The following SOX5 variants were observed in gnomAD, a reference collection of about 807,000 sequenced individuals.
SOX5 encodes the protein transcription factor SOX-5.
SOX5 carries 9 observed loss-of-function variants against 92.0 expected under a neutral mutation model. That is an observed-to-expected ratio of 0.10 (90% CI 0.06 to 0.17). SOX5 has a LOEUF of 0.17. Among genes scored for constraint, SOX5 ranks in the 10% least tolerant of loss-of-function variants. SOX5 has a pLI of 1.00. For missense variants in SOX5, 642 were observed against 944.5 expected (o/e 0.68, Z 4.20); for synonymous variants, 344 against 336.3 (o/e 1.02, Z -0.25).
At chr12:23,997,415 G>A (rs76458601) in intron 4 of SOX5, among the ~76,000 whole-genome samples, 3,385 of 152,238 alleles carry the variant, frequency 0.022, 115 homozygotes, top group African/African-American at 0.078. Context: ...CAGCTTGCCT[G>A]AGATTACAAT....
intron 2 of SOX5, among the ~76,000 whole-genome samples, chr12:24,305,662 A>G (rs888455202): frequency 6.6e-6 from 1 of 152,206 alleles, no homozygotes; most frequent in African/African-American, 2.4e-5. Flanking sequence ...CAGTGGCGCG[A>G]TCGCGGCTCA....
chr12:24,334,291 C>T (rs879492791), intron 2 of SOX5, among the ~76,000 whole-genome samples: 20 of 151,620 alleles, frequency 1.3e-4, no homozygotes, highest in South Asian at 4.2e-4. Context: ...TAAAATTAAA[C>T]GGCAGATTAA....
chr12:23,613,322 T>C (rs555487862), intron 8 of SOX5, among the ~76,000 whole-genome samples: 29 of 136,274 alleles, frequency 2.1e-4, no homozygotes, highest in Non-Finnish European at 4.0e-4. Flanking sequence ...TTAGGACGAC[T>C]CCTATCAAAA....
chr12:23,558,872 G>A (rs920508438), intron 11 of SOX5, among the ~76,000 whole-genome samples: 1 of 152,176 alleles, frequency 6.6e-6, no homozygotes, highest in African/African-American at 2.4e-5. Context: ...CAAAGTGCTG[G>A]GATGAGAGGT....
At chr12:24,346,115 T>G (rs1205403458) in intron 2 of SOX5, among the ~76,000 whole-genome samples, 1 of 152,238 alleles carries the variant, frequency 6.6e-6, no homozygotes, top group Non-Finnish European at 1.5e-5. Context: ...AAAGTCAAAC[T>G]TCCAATCTTC....
intron 2 of SOX5, among the ~76,000 whole-genome samples, chr12:23,871,629 T>C (rs1166238759): frequency 2.0e-5 from 3 of 152,160 alleles, no homozygotes; most frequent in Admixed American, 2.0e-4. Flanking sequence ...TTTGTTCTTG[T>C]AAACTCTTTT....
intron 1 of SOX5, among the ~76,000 whole-genome samples, chr12:24,395,379 G>A (rs1261644454): frequency 2.6e-5 from 4 of 152,138 alleles, no homozygotes; most frequent in Non-Finnish European, 5.9e-5. Flanking sequence ...AGAAATGAGA[G>A]CATGAGTGGT....
At chr12:24,239,229 G>C (rs2096552464) in intron 3 of SOX5, among the ~76,000 whole-genome samples, 1 of 152,176 alleles carries the variant, frequency 6.6e-6, no homozygotes. Flanking sequence ...TGCAGTAATT[G>C]ATATAACTAT....
chr12:23,832,245 T>C (rs766344305), intron 3 of SOX5, among the ~76,000 whole-genome samples: 9 of 151,916 alleles, frequency 5.9e-5, no homozygotes, highest in Non-Finnish European at 1.3e-4. Context: ...AAAAAAAAAA[T>C]TTTGGAAAGT....
At position 23,611,951 on chromosome 12, in the gene SOX5, C is replaced by T. The variant is rs533657579; in HGVS notation, c.1018-7418G>A. On this transcript the variant is annotated intron_variant, in intron 8 of 14. Transcript: ENST00000451604. ...AAAAAAAAAAAACACATTAAGATTA[C>T]AACTGAAATATGTCTTTCTTAAGTA... 1.3e-4 allele frequency among the ~76,000 whole-genome samples: 19 copies of T among 150,604 alleles called. 1 individual carries two copies. The highest frequency in any genetic ancestry group is 5.3e-4 in the Admixed American group (8 of 15,086).
At chr12:23,928,738 T>G (rs977909629) in intron 1 of SOX5, among the ~76,000 whole-genome samples, 1 of 151,872 alleles carries the variant, frequency 6.6e-6, no homozygotes, top group Non-Finnish European at 1.5e-5. Context: ...TGACTTTTAA[T>G]TTTTAAAAAG....
chr12:23,675,167 T>A (rs1411094600), intron 6 of SOX5, among the ~76,000 whole-genome samples: 1 of 152,232 alleles, frequency 6.6e-6, no homozygotes, highest in East Asian at 1.9e-4. Flanking sequence ...GACGTTGACT[T>A]GTTTCTTGCT....
At chr12:24,392,651 C>T (rs1032655564) in intron 1 of SOX5, among the ~76,000 whole-genome samples, 3 of 152,026 alleles carry the variant, frequency 2.0e-5, no homozygotes, top group Non-Finnish European at 4.4e-5. Flanking sequence ...CTATCTTCAC[C>T]TATTATATAT....
intron 1 of SOX5, among the ~76,000 whole-genome samples, chr12:24,427,099 C>A (rs1966842493): frequency 6.6e-6 from 1 of 152,212 alleles, no homozygotes; most frequent in South Asian, 2.1e-4. Flanking sequence ...TTAATATCCA[C>A]AGTACCTATT....
At chr12:23,619,928 G>A (rs2076981948) in intron 8 of SOX5, among the ~76,000 whole-genome samples, 1 of 152,010 alleles carries the variant, frequency 6.6e-6, no homozygotes, top group Admixed American at 6.6e-5. Context: ...TTCATTCTAG[G>A]TCTTTAGCTC....
rs114553225 is a variant in SOX5 at position 23,886,220 on chromosome 12, G to C, written c.270+9573C>G. On this transcript the variant is annotated intron_variant, in intron 2 of 14. Coordinates refer to ENST00000451604, the MANE Select transcript of SOX5 (RefSeq NM_006940.6). ...TTTGTCCTTGTATATACTATTAATT[G>C]AAAGCCATATGAATATGATTGTCAA... is the stretch of plus-strand genomic sequence containing the variant. 7.7e-3 allele frequency among the ~76,000 whole-genome samples: 1,167 copies of C among 152,044 alleles called. 19 individuals carry two copies. The highest frequency in any genetic ancestry group is 0.026 in the African/African-American group (1,085 of 41,470).
intron 1 of SOX5, among the ~76,000 whole-genome samples, chr12:24,507,041 C>T (rs7304397): frequency 0.7 from 105,939 of 151,180 alleles, 38,904 homozygotes; most frequent in East Asian, 0.98. Context: ...CCGCCCGCCT[C>T]GGCCTCCCAA....
chr12:23,975,674 T>C (rs1170376642), intron 4 of SOX5, among the ~76,000 whole-genome samples: 3 of 152,228 alleles, frequency 2.0e-5, no homozygotes, highest in Non-Finnish European at 2.9e-5. Context: ...TCAGTTTTCC[T>C]ATCTGGAAAG....
At chr12:24,064,987 A>T (rs941358823) in intron 4 of SOX5, among the ~76,000 whole-genome samples, 1 of 152,244 alleles carries the variant, frequency 6.6e-6, no homozygotes, top group African/African-American at 2.4e-5. Context: ...TTGAAAATGG[A>T]AACTGGAAGG....
Sources: gnomAD v4.1 joint callset for allele counts (sites outside exome capture counted in the v4.1 genomes callset) on GRCh38, gnomAD v4.1.1 for gene constraint, MANE v1.5 for transcripts, NCBI Gene and HGNC (gene_info 2026-07-23, HGNC 2026-07-21) for gene names.